Variants in MVP observed in about 807,000 individuals in gnomAD.
MVP encodes major vault protein, also known as lung resistance-related protein.
Under a neutral mutation model 83.5 loss-of-function variants are expected in MVP, and 62 were observed. The ratio of observed to expected loss-of-function variants is 0.74; its 90% CI spans 0.61 to 0.92. MVP has a LOEUF of 0.92. Ranked by LOEUF, MVP falls within the 40% of genes least tolerant of loss-of-function variation. MVP has a pLI of 0.00. For missense variants in MVP, 1,000 were observed against 1,203.4 expected (o/e 0.83, Z 2.50); for synonymous variants, 505 against 504.1 (o/e 1.00, Z -0.02).
Position 29,840,316 on chromosome 16 carries a change from T to A in MVP, c.1048T>A (p.Ser350Thr). 6.2e-7 allele frequency: 1 copy of A among 1,612,850 alleles called. No individual in the cohort carries two copies. Among genetic ancestry groups the A allele is most frequent in the Non-Finnish European group, 8.5e-7 (1 of 1,179,534 alleles). ...LEEGEDEEKV[S>T]HQAGDHWLIR... ...GGAGGGGGAGGATGAGGAGAAGGTC[T>A]CACACCAGGCTGGGGACCACTGGCT... is the stretch of plus-strand genomic sequence containing the variant. Residue 350 changes from serine to threonine, a missense_variant, in exon 8 of 15, where the codon TCA becomes ACA. Transcript: ENST00000357402.
At chr16:29,821,678 T>C (rs933785973) in intron 1 of MVP, among the ~76,000 whole-genome samples, 1 of 152,214 alleles carries the variant, frequency 6.6e-6, no homozygotes, top group African/African-American at 2.4e-5. Flanking sequence ...TATAGCCAGG[T>C]TGGACTTCCG....
At chr16:29,828,393 T>C (rs2067418296) in intron 1 of MVP, among the ~76,000 whole-genome samples, 1 of 152,054 alleles carries the variant, frequency 6.6e-6, no homozygotes. Flanking sequence ...TTTGGTTTGG[T>C]TTTGAGATTG....
rs114782965 is a variant in MVP at position 29,830,496 on chromosome 16, C to T, written c.-35-19C>T. The T allele has an allele frequency of 2.3e-3, 3,712 of 1,595,712 alleles. 77 individuals carry two copies. The African/African-American group carries it at 0.043, about 19-fold the overall frequency. On this transcript the variant is annotated intron_variant, in intron 1 of 14. Coordinates refer to ENST00000357402, the MANE Select transcript of MVP (RefSeq NM_005115.5). Reference sequence around the variant, plus strand: ...CAGGCTCCCCAGGTTCATCCTGTGTCGTCTCCCCCACCTACCAGTCATCTT... The same window carrying T: ...CAGGCTCCCCAGGTTCATCCTGTGTTGTCTCCCCCACCTACCAGTCATCTT...
intron 1 of MVP, among the ~76,000 whole-genome samples, chr16:29,822,224 T>G (rs2067368048): frequency 6.6e-6 from 1 of 151,452 alleles, no homozygotes; most frequent in African/African-American, 2.4e-5. Context: ...CTCTGGTGAC[T>G]GGTGTTAATT....
chr16:29,837,703 G>A (rs2067499843), intron 7 of MVP, among the ~76,000 whole-genome samples: 2 of 151,800 alleles, frequency 1.3e-5, no homozygotes, highest in South Asian at 2.1e-4. Flanking sequence ...GTGGTGAGCC[G>A]AGATCGTGCC....
chr16:29,838,630 C>A (rs1351523060), intron 7 of MVP, among the ~76,000 whole-genome samples: 1 of 151,918 alleles, frequency 6.6e-6, no homozygotes, highest in Non-Finnish European at 1.5e-5. Context: ...GAGTTTGAGA[C>A]CAGCCTGGGT....
chr16:29,834,132 G>A, intron 5 of MVP, 66 bp downstream of exon 5: 2 of 1,569,304 alleles, frequency 1.3e-6, no homozygotes, highest in Non-Finnish European at 1.7e-6. Flanking sequence ...GGGAAGCAGG[G>A]GAAGGTTGAG....
At chr16:29,831,932 G>A (rs1002848422) in intron 3 of MVP, among the ~76,000 whole-genome samples, 1 of 152,156 alleles carries the variant, frequency 6.6e-6, no homozygotes, top group African/African-American at 2.4e-5. Context: ...AATGGTTTTG[G>A]GTTTTTTGTT....
At position 29,833,590 on chromosome 16, in the gene MVP, G is replaced by A. The variant is rs148941458; in HGVS notation, c.322-143G>A. 4.6e-4 allele frequency: 497 copies of A among 1,078,592 alleles called. 3 individuals carry two copies. In the African/African-American group the frequency reaches 6.9e-3, roughly 15 times the overall value. 66.8% of individuals were successfully genotyped at this position (1,078,592 alleles called of 1,614,324 possible). ...CTCCCAAAGTTCTGGGATGACAGGT[G>A]TGAGCCACTGTGCCCGGCCTCCACC... On this transcript the variant is annotated intron_variant, in intron 3 of 14. Coordinates refer to ENST00000357402, the MANE Select transcript of MVP (RefSeq NM_005115.5).
At chr16:29,821,367 G>C (rs955796031) in intron 1 of MVP, 2 of 152,256 alleles carry the variant, frequency 1.3e-5, no homozygotes, top group African/African-American at 4.8e-5. Context: ...GGGCAGGACA[G>C]CCCTCTGTAT....
intron 14 of MVP, among the ~76,000 whole-genome samples, 171 bp downstream of exon 14, chr16:29,847,556 C>T (rs894302456): frequency 1.3e-5 from 2 of 152,154 alleles, no homozygotes; most frequent in African/African-American, 4.8e-5. Context: ...ACGTCAGGCA[C>T]TGTACTAGAC....
At position 29,833,753 on chromosome 16, in the gene MVP, G is replaced by T. The variant is rs773544166; in HGVS notation, c.342G>T (p.Val114=). The T allele has an allele frequency of 3.1e-6, 5 of 1,614,046 alleles. No homozygotes were observed. In the South Asian group the frequency reaches 5.5e-5, roughly 18 times the overall value. The change falls in exon 4 of 15, where the codon GTG becomes GTT. Residue 114 remains valine, a synonymous_variant. Coordinates refer to ENST00000357402, the MANE Select transcript of MVP (RefSeq NM_005115.5). ...ACTAGGACATCACACCCCTGCAGGT[G>T]GTTCTGCCCAACACTGCCCTCCATC... ...VLEKDITPLQ[V]VLPNTALHLK...
rs2067436527 is a variant in MVP at position 29,830,906 on chromosome 16, A to T, written c.154A>T (p.Thr52Ser). 1 of 1,612,734 alleles carries T rather than the reference A, an allele frequency of 6.2e-7. No homozygotes were observed. Among genetic ancestry groups the T allele is most frequent in the South Asian group, 1.1e-5 (1 of 91,024 alleles). ...ACTGTTTGCCCCCATGCGCATGGTG[A>T]CCGTCCCCCCACGTCACTACTGCAC... Reference protein sequence around the residue: ...RVLFAPMRMVTVPPRHYCTVA... With the variant: ...RVLFAPMRMVSVPPRHYCTVA... Residue 52 changes from threonine (T) to serine (S), a missense_variant, in exon 3 of 15, where the codon ACC becomes TCC. Thr to Ser is a moderately conservative substitution (Grantham distance 58). Transcript: ENST00000357402.
chr16:29,846,302 T>C lies in MVP; in HGVS notation c.2265+18T>C, dbSNP rs778635505. 1.9e-6 allele frequency: 3 copies of C among 1,548,976 alleles called. No individual in the cohort carries two copies. The highest frequency in any genetic ancestry group is 1.4e-5 in the African/African-American group (1 of 73,134). ...TTGAAACGGTGAGTGGGGGGAGGCA[T>C]TAAGAAGAGGGTGGCCTTGAGTCCT... is the stretch of plus-strand genomic sequence containing the variant. On this transcript the variant is annotated intron_variant, in intron 13 of 14. Transcript: ENST00000357402.
chr16:29,839,111 C>T (rs571307457), intron 7 of MVP, among the ~76,000 whole-genome samples: 119 of 152,214 alleles, frequency 7.8e-4, no homozygotes, highest in African/African-American at 2.8e-3. Flanking sequence ...TCTCTTGAAC[C>T]TGGAAGACAG....
At chr16:29,840,638 T>A (rs2067527446) in intron 8 of MVP, among the ~76,000 whole-genome samples, 179 bp downstream of exon 8, 1 of 152,144 alleles carries the variant, frequency 6.6e-6, no homozygotes, top group Non-Finnish European at 1.5e-5. Context: ...GCCTTAAATG[T>A]CTCATTTGAA....
intron 1 of MVP, among the ~76,000 whole-genome samples, chr16:29,821,613 A>G (rs2067362099): frequency 6.6e-6 from 1 of 152,130 alleles, no homozygotes; most frequent in Non-Finnish European, 1.5e-5. Context: ...TCGGCTTAGA[A>G]TCTTTGTGTT....
rs145132907 is a variant in MVP, at chr16:29,823,836, G to C, written c.-36+3326G>C. On this transcript the variant is annotated intron_variant, in intron 1 of 14. Coordinates refer to ENST00000357402, the MANE Select transcript of MVP (RefSeq NM_005115.5). ...CAGCCTGGGTGACAGAGCGAGACTC[G>C]TCTCAGAAAAAAAAAAAAAAAATGA... Among the ~76,000 whole-genome samples the C allele has an allele frequency of 3.0e-4, 43 of 145,464 alleles. 1 individual carries two copies. Among genetic ancestry groups the C allele is most frequent in the Admixed American group, 8.9e-4 (13 of 14,568 alleles).
At chr16:29,830,088 C>A (rs1047744457) in intron 1 of MVP, 1 of 160,126 alleles carries the variant, frequency 6.2e-6, no homozygotes, top group East Asian at 1.8e-4. Context: ...CTCCTCAGAG[C>A]AGCTGCCCAT....
Sources: gnomAD v4.1 joint callset for allele counts (sites outside exome capture counted in the v4.1 genomes callset) on GRCh38, gnomAD v4.1.1 for gene constraint, MANE v1.5 for transcripts, NCBI Gene and HGNC (gene_info 2026-07-23, HGNC 2026-07-21) for gene names.